SMIM14: variants seen among roughly 807,000 people sequenced by gnomAD.
SMIM14 encodes chromosome 4 open reading frame 34.
Under a neutral mutation model 12.6 loss-of-function variants are expected in SMIM14, and 5 were observed. The ratio of observed to expected loss-of-function variants is 0.40; its 90% CI spans 0.21 to 0.83. SMIM14 has a LOEUF of 0.83. Among genes scored for constraint, SMIM14 ranks in the 40% least tolerant of loss-of-function variants. SMIM14 has a pLI of 0.37. For synonymous variants in SMIM14, 30 were observed against 40.1 expected (o/e 0.75, Z 0.95); for missense variants, 86 against 119.1 (o/e 0.72, Z 1.29).
intron 2 of SMIM14, chr4:39,593,150 C>T (rs891335300): frequency 1.3e-5 from 2 of 151,788 alleles, no homozygotes; most frequent in African/African-American, 4.8e-5. Flanking sequence ...TGCAAAAATC[C>T]TCAATAAAAT....
chr4:39,560,110 A>G (rs1712226731), intron 3 of SMIM14, among the ~76,000 whole-genome samples: 1 of 152,114 alleles, frequency 6.6e-6, no homozygotes, highest in Admixed American at 6.6e-5. Flanking sequence ...CAACAGAGCC[A>G]GACACTGTCT....
At chr4:39,596,661 T>G (rs997388815) in intron 2 of SMIM14, among the ~76,000 whole-genome samples, 9 of 152,184 alleles carry the variant, frequency 5.9e-5, no homozygotes, top group Non-Finnish European at 5.9e-5. Flanking sequence ...CTTTGAACCT[T>G]TTTTACTATT....
Position 39,572,552 on chromosome 4 carries a change from G to A in SMIM14, c.76-89C>T, listed in dbSNP as rs139145224. Reference sequence around the variant, plus strand: ...GAAAGATCATGTTTTGGCCGGGTGCGGTGGCTCACGCCTGTAATCCCACAC... The same window carrying A: ...GAAAGATCATGTTTTGGCCGGGTGCAGTGGCTCACGCCTGTAATCCCACAC... On this transcript the variant is annotated intron_variant, in intron 2 of 4. Transcript: ENST00000295958. 4.0e-4 allele frequency: 439 copies of A among 1,086,380 alleles called. 3 individuals carry two copies. The East Asian group carries it at 7.0e-3, about 17-fold the overall frequency. The allele number at this position is 1,086,380 out of a possible 1,614,324, so 67.3% of individuals were successfully genotyped here. A position where few individuals can be genotyped will look rare whatever the true frequency, so the allele number is the denominator to read the frequency against.
chr4:39,608,893 A>AG (rs985606131), intron 1 of SMIM14, among the ~76,000 whole-genome samples: 4 of 152,282 alleles, frequency 2.6e-5, no homozygotes, highest in Admixed American at 2.0e-4. Context: ...AGGATCTTTC[A>AG]GGGGGGCTGA....
rs1301344749 is a variant in SMIM14 at position 39,567,610 on chromosome 4, G to A, written c.124+4805C>T. The stretch of plus-strand genomic sequence containing the variant: ...AAATTAGCCGGGTGTGGTGGCAGGC[G>A]CCTATAATCCCAGCTACTCAGGAGG... On this transcript the variant is annotated intron_variant, in intron 3 of 4. Transcript: ENST00000295958. Among the ~76,000 whole-genome samples the A allele has an allele frequency of 3.3e-5, 5 of 151,990 alleles. No homozygotes were observed. The East Asian group carries it at 9.7e-4, about 30-fold the overall frequency.
intron 1 of SMIM14, chr4:39,621,040 T>C (rs1303004415): frequency 6.6e-6 from 1 of 152,212 alleles, no homozygotes; most frequent in Non-Finnish European, 1.5e-5. Context: ...AGAATTTGTC[T>C]AGCAGGCTTT....
At chr4:39,600,887 T>C (rs1382285964) in intron 2 of SMIM14, among the ~76,000 whole-genome samples, 2 of 151,344 alleles carry the variant, frequency 1.3e-5, no homozygotes, top group South Asian at 2.1e-4. Context: ...AATAAATAAA[T>C]AAACAAACAA....
intron 1 of SMIM14, among the ~76,000 whole-genome samples, chr4:39,615,683 TA>T (rs1320972047): frequency 2.6e-5 from 4 of 152,088 alleles, no homozygotes; most frequent in African/African-American, 4.8e-5. Context: ...AAAACTGCTC[TA>T]AAAAAATGAT....
At chr4:39,573,245 G>C (rs761403683) in intron 2 of SMIM14, among the ~76,000 whole-genome samples, 1 of 151,882 alleles carries the variant, frequency 6.6e-6, no homozygotes, top group Non-Finnish European at 1.5e-5. Flanking sequence ...ACAGGCACCC[G>C]CCACCACACC....
Position 39,633,036 on chromosome 4 carries a change from G to A in SMIM14, c.-36+5703C>T, listed in dbSNP as rs377266239. Among the ~76,000 whole-genome samples the A allele has an allele frequency of 8.9e-4, 135 of 152,108 alleles. 1 individual carries two copies. Among genetic ancestry groups the A allele is most frequent in the African/African-American group, 3.1e-3 (130 of 41,504 alleles). On this transcript the variant is annotated intron_variant, in intron 1 of 4. Transcript: ENST00000295958. ...CAGCTGGGTGCAGTGGCTCACGCCT[G>A]TAATCCTAGCACTTTGGGAGGCCCA... is the stretch of plus-strand genomic sequence containing the variant.
At chr4:39,625,508 C>A (rs761255507) in intron 1 of SMIM14, among the ~76,000 whole-genome samples, 3 of 152,002 alleles carry the variant, frequency 2.0e-5, no homozygotes, top group African/African-American at 4.8e-5. Context: ...GTGGCGCAAT[C>A]TAGACTCACT....
chr4:39,617,005 A>G (rs184357688), intron 1 of SMIM14, among the ~76,000 whole-genome samples: 12 of 152,188 alleles, frequency 7.9e-5, no homozygotes, highest in Admixed American at 7.9e-4. Flanking sequence ...AACTCATTAT[A>G]CCGGTTATTG....
rs193143263 is a variant in SMIM14, at chr4:39,558,757, G to C, written c.125-2187C>G. On this transcript the variant is annotated intron_variant, in intron 3 of 4. Coordinates refer to ENST00000295958, the MANE Select transcript of SMIM14 (RefSeq NM_174921.3). The surrounding 1 kb of genome is among the most constrained non-coding windows in gnomAD (Gnocchi z 4.3). ...GACAGAGTCTTGCCCTGTCGTCCAA[G>C]CTGGAATACAATGGCATGTCAGCTC... Among the ~76,000 whole-genome samples the C allele has an allele frequency of 2.4e-3, 363 of 152,300 alleles. 1 individual carries two copies. Among genetic ancestry groups the C allele is most frequent in the Non-Finnish European group, 3.9e-3 (267 of 68,020 alleles).
In SMIM14 at chr4:39,634,841, A is replaced by C. The variant is rs1716034135; in HGVS notation, c.-36+3898T>G. 2.0e-5 allele frequency among the ~76,000 whole-genome samples: 3 copies of C among 152,300 alleles called. No homozygotes were observed. In the South Asian group the frequency reaches 6.2e-4, roughly 32 times the overall value. ...AAATTAGGACTTTTCCATGGGAAAA[A>C]AAAATGGCCTACAATAGACAGTATG... On this transcript the variant is annotated intron_variant, in intron 1 of 4. Coordinates refer to ENST00000295958, the MANE Select transcript of SMIM14 (RefSeq NM_174921.3).
intron 3 of SMIM14, among the ~76,000 whole-genome samples, chr4:39,569,038 G>A (rs1456166466): frequency 1.3e-5 from 2 of 152,144 alleles, no homozygotes; most frequent in South Asian, 2.1e-4. Context: ...ATAAACACGT[G>A]TTTTCCCATG....
chr4:39,632,083 T>A (rs2109258383), intron 1 of SMIM14, among the ~76,000 whole-genome samples: 1 of 152,204 alleles, frequency 6.6e-6, no homozygotes, highest in Admixed American at 6.5e-5. Context: ...TTCCAAAGAG[T>A]TAATTCTTTA....
At chr4:39,578,261 C>T (rs544110916) in intron 2 of SMIM14, among the ~76,000 whole-genome samples, 1 of 152,200 alleles carries the variant, frequency 6.6e-6, no homozygotes, top group Non-Finnish European at 1.5e-5. Flanking sequence ...AATCCTCCCG[C>T]CCCAGGCTCC....
At position 39,619,876 on chromosome 4, in the gene SMIM14, A is replaced by ATTTTT. The variant is rs368919092; in HGVS notation, c.-35-14701_-35-14697dup. ...TATATATATTTATATATATATATAT[A>ATTTTT]TTTTTTTTTTTTTAAGAGCAAGATA... is the stretch of plus-strand genomic sequence containing the variant. On this transcript the variant is annotated intron_variant, in intron 1 of 4. Coordinates refer to ENST00000295958, the MANE Select transcript of SMIM14 (RefSeq NM_174921.3). 4.4e-4 allele frequency among the ~76,000 whole-genome samples: 51 copies of ATTTTT among 115,852 alleles called. 1 individual carries two copies. The highest frequency in any genetic ancestry group is 4.8e-3 in the Middle Eastern group (1 of 210). 76.0% of individuals were successfully genotyped at this position (115,852 alleles called of 152,430 possible). A position where few individuals can be genotyped will look rare whatever the true frequency, so the allele number is the denominator to read the frequency against.
At chr4:39,629,946 C>T (rs1715841163) in intron 1 of SMIM14, among the ~76,000 whole-genome samples, 1 of 152,098 alleles carries the variant, frequency 6.6e-6, no homozygotes, top group South Asian at 2.1e-4. Context: ...TTTTTAACAG[C>T]TGTATTACAA....
Sources: allele counts gnomAD v4.1 joint callset (sites outside exome capture counted in the v4.1 genomes callset), GRCh38; gene constraint gnomAD v4.1.1; non-coding constraint Gnocchi (gnomAD v3.1); transcripts MANE v1.5; gene names NCBI Gene and HGNC (gene_info 2026-07-23, HGNC 2026-07-21).